Variants in TENM2 observed in about 807,000 individuals in gnomAD.
TENM2 encodes teneurin-2.
A neutral mutation model predicts 245.2 loss-of-function variants in TENM2; 52 were observed. The ratio of observed to expected loss-of-function variants is 0.21; its 90% CI spans 0.17 to 0.27. TENM2 has a LOEUF of 0.27. Ranked by LOEUF, TENM2 falls within the 10% of genes least tolerant of loss-of-function variation. TENM2 has a pLI of 1.00. For synonymous variants in TENM2, 1,363 were observed against 1,438.9 expected, an observed-to-expected ratio of 0.95 and a Z score of 1.19; for missense variants, 3,046 against 3,666.8, an observed-to-expected ratio of 0.83 and a Z score of 4.37.
chr5:167,061,593 A>C, the TENM2 span, among the ~76,000 whole-genome samples: 1 of 152,180 alleles, frequency 6.6e-6, no homozygotes, highest in Non-Finnish European at 1.5e-5. Flanking sequence ...TTTCTCACAG[A>C]GATAATTGAT....
chr5:168,009,687 A>G (rs556353895), intron 5 of TENM2, among the ~76,000 whole-genome samples: 1 of 152,340 alleles, frequency 6.6e-6, no homozygotes, highest in East Asian at 1.9e-4. Flanking sequence ...TAGGCCCCAA[A>G]GCCACTTTAG....
the TENM2 span, among the ~76,000 whole-genome samples, chr5:167,233,542 A>G: frequency 1.3e-5 from 2 of 152,194 alleles, no homozygotes; most frequent in African/African-American, 2.4e-5. Context: ...CAGAGAGTTT[A>G]TTGTATTTCA....
At chr5:167,970,980 T>C (rs1196447594) in intron 4 of TENM2, among the ~76,000 whole-genome samples, 1 of 152,128 alleles carries the variant, frequency 6.6e-6, no homozygotes, top group Non-Finnish European at 1.5e-5. Flanking sequence ...ACTTTGTTTT[T>C]TCAGTTTCAC....
At chr5:167,339,232 G>A (rs1246525770) in intron 1 of TENM2, among the ~76,000 whole-genome samples, 1 of 152,176 alleles carries the variant, frequency 6.6e-6, no homozygotes, top group Non-Finnish European at 1.5e-5. Flanking sequence ...CTGTAACACT[G>A]TGAAACCAGA....
the TENM2 span, among the ~76,000 whole-genome samples, chr5:167,133,877 T>C: frequency 3.6e-4 from 54 of 151,886 alleles, no homozygotes; most frequent in African/African-American, 1.3e-3. Flanking sequence ...CTAATTTTCA[T>C]AGGGCCACAA....
intron 2 of TENM2, among the ~76,000 whole-genome samples, chr5:167,641,853 ACACT>A (rs1779633596): frequency 6.6e-6 from 1 of 152,102 alleles, no homozygotes; most frequent in Non-Finnish European, 1.5e-5. Flanking sequence ...CACAAAAATA[ACACT>A]CACGGCAGAG....
intron 2 of TENM2, among the ~76,000 whole-genome samples, chr5:167,540,879 A>G (rs1466672135): frequency 6.6e-6 from 1 of 152,218 alleles, no homozygotes; most frequent in Non-Finnish European, 1.5e-5. Context: ...TTTCTGACTT[A>G]TAGTAGATAA....
At chr5:167,756,947 T>G (rs559457313) in intron 2 of TENM2, among the ~76,000 whole-genome samples, 2 of 152,196 alleles carry the variant, frequency 1.3e-5, no homozygotes, top group East Asian at 3.9e-4. Context: ...TGCCCTGACA[T>G]AGACCCCCAT....
chr5:167,523,040 C>T (rs185425552), intron 2 of TENM2, among the ~76,000 whole-genome samples: 1 of 152,260 alleles, frequency 6.6e-6, no homozygotes, highest in East Asian at 1.9e-4. Flanking sequence ...CTTGTGGGCC[C>T]ATCTCCCTCT....
chr5:168,089,230 C>T (rs935549743), intron 7 of TENM2, among the ~76,000 whole-genome samples: 3 of 152,178 alleles, frequency 2.0e-5, no homozygotes, highest in African/African-American at 7.2e-5. Context: ...CCAAAGTTGT[C>T]CCCCGCTTCT....
intron 2 of TENM2, among the ~76,000 whole-genome samples, chr5:167,823,029 T>C (rs1336151523): frequency 6.6e-6 from 1 of 152,206 alleles, no homozygotes; most frequent in Non-Finnish European, 1.5e-5. Context: ...ATGTATCCGT[T>C]TGATAAAGGT....
intron 2 of TENM2, among the ~76,000 whole-genome samples, chr5:167,766,386 G>A (rs1476548172): frequency 6.6e-6 from 1 of 152,170 alleles, no homozygotes; most frequent in Non-Finnish European, 1.5e-5. Context: ...AGATCACACA[G>A]GGCATTGTAG....
At chr5:167,174,874 CTT>C in the TENM2 span, among the ~76,000 whole-genome samples, 8 of 142,536 alleles carry the variant, frequency 5.6e-5, no homozygotes, top group Non-Finnish European at 7.7e-5. Context: ...ATATATTCAA[CTT>C]TTTTTTTTTT....
intron 1 of TENM2, among the ~76,000 whole-genome samples, chr5:167,362,340 T>C (rs1433718425): frequency 6.6e-6 from 1 of 152,228 alleles, no homozygotes; most frequent in Non-Finnish European, 1.5e-5. Flanking sequence ...GCAGTTGATT[T>C]AAAAGAATTC....
the TENM2 span, among the ~76,000 whole-genome samples, chr5:167,129,934 G>A: frequency 2.6e-5 from 4 of 152,298 alleles, no homozygotes; most frequent in South Asian, 8.3e-4. Flanking sequence ...ATAAAAGGCA[G>A]TACCAGGGCT....
chr5:167,418,909 T>C (rs1763324522), intron 2 of TENM2, among the ~76,000 whole-genome samples: 1 of 152,156 alleles, frequency 6.6e-6, no homozygotes, highest in African/African-American at 2.4e-5. Context: ...TATATAGAAG[T>C]GTGCCTGTGT....
At chr5:167,024,031 A>G in the TENM2 span, among the ~76,000 whole-genome samples, 5 of 152,360 alleles carry the variant, frequency 3.3e-5, no homozygotes, top group African/African-American at 9.6e-5. Context: ...TTAAAAATTC[A>G]TAAGTCTGGC....
intron 2 of TENM2, among the ~76,000 whole-genome samples, chr5:167,391,796 G>A (rs1359815965): frequency 2.0e-5 from 3 of 152,098 alleles, no homozygotes; most frequent in African/African-American, 2.4e-5. Context: ...GGATAATTGT[G>A]TAATTATTAA....
intron 2 of TENM2, among the ~76,000 whole-genome samples, chr5:167,609,019 G>A (rs529095890): frequency 1.8e-4 from 28 of 152,206 alleles, no homozygotes; most frequent in African/African-American, 5.8e-4. Flanking sequence ...GTGATTGTTT[G>A]CTATTCATGA....
Sources: gnomAD v4.1 joint callset for allele counts (sites outside exome capture counted in the v4.1 genomes callset) on GRCh38, gnomAD v4.1.1 for gene constraint, MANE v1.5 for transcripts, NCBI Gene and HGNC (gene_info 2026-07-23, HGNC 2026-07-21) for gene names.